Variants in TENM4 observed in about 807,000 individuals in gnomAD.
TENM4 encodes teneurin-4.
TENM4 carries 82 observed loss-of-function variants against 243.3 expected under a neutral mutation model. The observed-to-expected ratio is 0.34, with a 90% CI of 0.28 to 0.40. The LOEUF is 0.40. TENM4 is among the 10% of genes least tolerant of loss of function. The pLI is 1.00. For missense variants in TENM4, 3,138 were observed against 3,673.3 expected (o/e 0.85, Z 3.77); for synonymous variants, 1,412 against 1,456.3 (o/e 0.97, Z 0.69).
intron 6 of TENM4, among the ~76,000 whole-genome samples, chr11:78,976,735 A>G (rs1433724132): frequency 3.9e-5 from 6 of 152,212 alleles, no homozygotes; most frequent in African/African-American, 9.7e-5. Flanking sequence ...CTGAGTGACC[A>G]GGTCTGGTTC....
rs188588025 is a variant in TENM4 at position 79,117,630 on chromosome 11, T to G, written c.-66+31080A>C. Among the ~76,000 whole-genome samples, 4 of 152,316 alleles carry G rather than the reference T, an allele frequency of 2.6e-5. No homozygotes were observed. The East Asian group carries it at 5.8e-4, about 22-fold the overall frequency. On this transcript the variant is annotated intron_variant, in intron 4 of 33. Transcript: ENST00000278550. ...AAATGATGTTCAAGCCAGTTCCAAG[T>G]GTAGCTCCTGGCACATTCTCCCTGG...
chr11:78,670,648 A>G, intron 31 of TENM4, 97 bp from the exon 32 acceptor site: 2 of 1,221,936 alleles, frequency 1.6e-6, no homozygotes, highest in Non-Finnish European at 1.1e-6. Context: ...TGAATGTCCA[A>G]GGAGAATCCT....
chr11:78,708,951 T>C (rs118059260), intron 26 of TENM4, among the ~76,000 whole-genome samples: 24 of 103,546 alleles, frequency 2.3e-4, no homozygotes, highest in Non-Finnish European at 3.2e-4. Context: ...ACCATTTTTC[T>C]TTTCTTTCTT....
chr11:78,848,197 C>G (rs1858448261), intron 12 of TENM4, among the ~76,000 whole-genome samples: 1 of 151,474 alleles, frequency 6.6e-6, no homozygotes, highest in Non-Finnish European at 1.5e-5. Flanking sequence ...ATCCCAGTAA[C>G]CTCCCTTGAC....
intron 4 of TENM4, among the ~76,000 whole-genome samples, chr11:79,140,394 C>T (rs1862265282): frequency 6.6e-6 from 1 of 152,102 alleles, no homozygotes; most frequent in South Asian, 2.1e-4. Context: ...CACCTATTTA[C>T]CTGAGTGGGT....
At chr11:78,896,121 C>T (rs1251300032) in intron 7 of TENM4, among the ~76,000 whole-genome samples, 2 of 152,318 alleles carry the variant, frequency 1.3e-5, no homozygotes, top group South Asian at 2.1e-4. Context: ...TTCCTCAGGA[C>T]CGCCCTGATC....
At chr11:79,131,526 G>C (rs527826531) in intron 4 of TENM4, among the ~76,000 whole-genome samples, 1 of 152,242 alleles carries the variant, frequency 6.6e-6, no homozygotes, top group Non-Finnish European at 1.5e-5. Context: ...ACTACTAAAG[G>C]GAGCTCTAAA....
At chr11:78,867,208 A>T (rs1259947489) in intron 9 of TENM4, among the ~76,000 whole-genome samples, 2 of 147,894 alleles carry the variant, frequency 1.4e-5, no homozygotes, top group Non-Finnish European at 3.0e-5. Flanking sequence ...TATTTATTCT[A>T]TTTTTTTTTT....
intron 4 of TENM4, among the ~76,000 whole-genome samples, chr11:79,072,300 C>T (rs560997084): frequency 7.9e-5 from 12 of 152,160 alleles, no homozygotes; most frequent in African/African-American, 1.7e-4. Flanking sequence ...AGCCTGGGCA[C>T]AGCAAGGCCC....
intron 1 of TENM4, among the ~76,000 whole-genome samples, chr11:79,357,707 A>G (rs59507069): frequency 2.2e-4 from 33 of 152,352 alleles, no homozygotes; most frequent in African/African-American, 7.7e-4. Context: ...TTTCAAAAAC[A>G]ACCACCATTC....
Position 79,129,255 on chromosome 11 carries a change from C to T in TENM4, c.-66+19455G>A, listed in dbSNP as rs182163651. On this transcript the variant is annotated intron_variant, in intron 4 of 33. Transcript: ENST00000278550. ...CCAAGCAGGCCATTCCTGCCTGGCACCAGAGGGATCCATTGGGAGGGTGGC... is the reference window on the plus strand; with the variant it reads ...CCAAGCAGGCCATTCCTGCCTGGCATCAGAGGGATCCATTGGGAGGGTGGC... 2.6e-3 allele frequency among the ~76,000 whole-genome samples: 401 copies of T among 152,204 alleles called. 1 individual carries two copies. The highest frequency in any genetic ancestry group is 4.2e-3 in the Non-Finnish European group (289 of 68,018).
chr11:78,662,376 A>AGAC (rs1231042477), intron 32 of TENM4, among the ~76,000 whole-genome samples: 13 of 151,906 alleles, frequency 8.6e-5, no homozygotes, highest in Non-Finnish European at 1.5e-4. Context: ...TTTTTAGTAG[A>AGAC]GACGGGGTTT....
intron 6 of TENM4, among the ~76,000 whole-genome samples, chr11:78,988,188 T>G (rs962928946): frequency 1.3e-5 from 2 of 152,246 alleles, no homozygotes; most frequent in African/African-American, 4.8e-5. Flanking sequence ...AGCTGCCATG[T>G]TGTGAGGATA....
intron 3 of TENM4, among the ~76,000 whole-genome samples, chr11:79,178,453 G>A (rs901624541): frequency 6.6e-6 from 1 of 152,192 alleles, no homozygotes; most frequent in Non-Finnish European, 1.5e-5. Flanking sequence ...GAGGATTCAT[G>A]AGGAGGAAGA....
intron 4 of TENM4, among the ~76,000 whole-genome samples, chr11:79,073,575 C>T (rs565687273): frequency 2.6e-5 from 4 of 152,172 alleles, no homozygotes; most frequent in African/African-American, 4.8e-5. Context: ...TAAAGTATTA[C>T]GTAAATCTAA....
chr11:79,253,596 G>C, intron 2 of TENM4, among the ~76,000 whole-genome samples: 1 of 152,128 alleles, frequency 6.6e-6, no homozygotes, highest in East Asian at 1.9e-4. Flanking sequence ...CAGCTGCTGG[G>C]GAACTGTCTG....
At chr11:78,798,661 T>C (rs1857216443) in intron 15 of TENM4, among the ~76,000 whole-genome samples, 1 of 152,150 alleles carries the variant, frequency 6.6e-6, no homozygotes, top group Non-Finnish European at 1.5e-5. Context: ...CTGCAGCTTC[T>C]ATCTCCAGCT....
At position 79,315,944 on chromosome 11, in the gene TENM4, G is replaced by A. The variant is rs187810204; in HGVS notation, c.-320-18401C>T. Among the ~76,000 whole-genome samples the A allele has an allele frequency of 5.3e-5, 8 of 152,270 alleles. No homozygotes were observed. In the East Asian group the frequency reaches 1.2e-3, roughly 22 times the overall value. ...AATGCATTACTTTTCCTGCCATTAC[G>A]TTTAATGGCCGAAACTGCAGTTACT... On this transcript the variant is annotated intron_variant, in intron 1 of 33. Coordinates refer to ENST00000278550, the MANE Select transcript of TENM4 (RefSeq NM_001098816.3).
At chr11:79,185,983 T>C (rs1038640179) in intron 3 of TENM4, among the ~76,000 whole-genome samples, 2 of 152,204 alleles carry the variant, frequency 1.3e-5, no homozygotes, top group African/African-American at 4.8e-5. Context: ...GTTAGTTTCA[T>C]TGTCCCAATA....
Sources: allele counts gnomAD v4.1 joint callset (sites outside exome capture counted in the v4.1 genomes callset), GRCh38; gene constraint gnomAD v4.1.1; transcripts MANE v1.5; gene names NCBI Gene and HGNC (gene_info 2026-07-23, HGNC 2026-07-21).